Variants in ODC1 observed in about 807,000 individuals in gnomAD.
ODC1 encodes ornithine decarboxylase 1.
ODC1 carries 18 observed loss-of-function variants against 41.5 expected under a neutral mutation model. The observed-to-expected ratio is 0.43, with a 90% CI of 0.30 to 0.64. The LOEUF (loss-of-function observed/expected upper bound fraction) is 0.64. Among genes scored for constraint, ODC1 ranks in the 30% least tolerant of loss-of-function variants. ODC1 has a pLI of 0.11. For synonymous variants in ODC1, 218 were observed against 211.6 expected (o/e 1.03, Z -0.26); for missense variants, 504 against 589.0 (o/e 0.86, Z 1.49).
Position 10,443,586 on chromosome 2 carries a change from A to G in ODC1, c.585-15T>C. ...CTACATGGAAGCTGGGGTAAAATAAAGAGACGAGACACTGTGTCTTAGTAT... is the reference window on the plus strand; with the variant it reads ...CTACATGGAAGCTGGGGTAAAATAAGGAGACGAGACACTGTGTCTTAGTAT... On this transcript the variant is annotated splice_polypyrimidine_tract_variant and intron_variant, in intron 6 of 11. Coordinates refer to ENST00000234111, the MANE Select transcript of ODC1 (RefSeq NM_002539.3). 6.2e-7 allele frequency: 1 copy of G among 1,603,166 alleles called. No individual in the cohort carries two copies. Among genetic ancestry groups the G allele is most frequent in the Non-Finnish European group, 8.5e-7 (1 of 1,178,480 alleles).
Position 10,442,722 on chromosome 2 carries a change from T to C in ODC1, c.750+508A>G, listed in dbSNP as rs544931375. 9.9e-5 allele frequency among the ~76,000 whole-genome samples: 15 copies of C among 152,258 alleles called. No homozygotes were observed. The East Asian group carries it at 2.7e-3, about 27-fold the overall frequency. The stretch of plus-strand genomic sequence containing the variant: ...CCCACAGCAACATGCTTTTTCTTTT[T>C]TTTTTTTGAGACAGGGTCTCACTCT... On this transcript the variant is annotated intron_variant, in intron 8 of 11. Transcript: ENST00000234111.
chr2:10,446,700 G>A (rs1672025194), intron 1 of ODC1: 2 of 429,612 alleles, frequency 4.7e-6, no homozygotes, highest in Admixed American at 3.0e-5. Context: ...GCCAGGTAGA[G>A]CTTTCTTCTT....
intron 1 of ODC1, among the ~76,000 whole-genome samples, chr2:10,445,738 C>A (rs536995229): frequency 1.3e-5 from 2 of 152,108 alleles, no homozygotes; most frequent in Non-Finnish European, 2.9e-5. Context: ...CGGGTTCAAG[C>A]GATTCTCCTG....
chr2:10,444,716 C>G (rs953678951), intron 3 of ODC1, 69 bp from the exon 4 acceptor site: 1 of 1,378,842 alleles, frequency 7.3e-7, no homozygotes, highest in African/African-American at 1.4e-5. Flanking sequence ...AGCCAGCGAC[C>G]TTCATTCCCA....
rs144846017 is a variant in ODC1, at chr2:10,440,742, C to T, written c.1368G>A (p.Ser456=). The change falls in exon 12 of 12, where the codon TCG becomes TCA. Residue 456 remains serine (S), a synonymous_variant. Coordinates refer to ENST00000234111, the MANE Select transcript of ODC1 (RefSeq NM_002539.3). ...GTGCTATCTACACATTAATACTAGCCGAAGCACAGGCTGCTCTGTGGCGTT... is the reference window on the plus strand; with the variant it reads ...GTGCTATCTACACATTAATACTAGCTGAAGCACAGGCTGCTCTGTGGCGTT... ...GMKRHRAACA[S]ASINV 115 of 1,614,084 alleles carry T rather than the reference C, an allele frequency of 7.1e-5. No homozygotes were observed. The highest frequency in any genetic ancestry group is 3.3e-4 in the Middle Eastern group (2 of 6,058).
Position 10,446,489 on chromosome 2 carries a change from G to A in ODC1, c.-127-1225C>T, listed in dbSNP as rs148879789. Among the ~76,000 whole-genome samples the A allele has an allele frequency of 7.2e-5, 11 of 152,244 alleles. No homozygotes were observed. In the East Asian group the frequency reaches 2.1e-3, roughly 29 times the overall value. On this transcript the variant is annotated intron_variant, in intron 1 of 11. Transcript: ENST00000234111. Reference sequence around the variant, plus strand: ...GTTGCCTACCAAGTTTAGCAATTCCGGGAATGCCAACTGTCCTTACAGTCA... The same window carrying A: ...GTTGCCTACCAAGTTTAGCAATTCCAGGAATGCCAACTGTCCTTACAGTCA...
In ODC1 at chr2:10,440,451, T is replaced by C. The variant is rs1304085513; in HGVS notation, c.*273A>G. On this transcript the variant is annotated 3_prime_UTR_variant, in exon 12 of 12. Coordinates refer to ENST00000234111, the MANE Select transcript of ODC1 (RefSeq NM_002539.3). Reference sequence around the variant, plus strand: ...ACTAAGCTTTTGGCCCATTCTGCCATTGTACAAGCTACAAATGCTTGTTCA... The same window carrying C: ...ACTAAGCTTTTGGCCCATTCTGCCACTGTACAAGCTACAAATGCTTGTTCA... The C allele has an allele frequency of 2.6e-5, 8 of 309,656 alleles. No individual in the cohort carries two copies. Among genetic ancestry groups the C allele is most frequent in the Non-Finnish European group, 3.6e-5 (6 of 167,618 alleles). The allele number at this position is 309,656 out of a possible 1,614,324, so 19.2% of individuals were successfully genotyped here. A position where few individuals can be genotyped will look rare whatever the true frequency, so the allele number is the denominator to read the frequency against.
Position 10,443,551 on chromosome 2 carries a change from C to A in ODC1, c.605G>T (p.Cys202Phe). The change falls in exon 7 of 12, where the codon TGT (cysteine) becomes TTT (phenylalanine). Residue 202 changes from cysteine to phenylalanine, a missense_variant. Physicochemically the swap from Cys to Phe is radical, Grantham distance 205 (BLOSUM62 -2). Coordinates refer to ENST00000234111, the MANE Select transcript of ODC1 (RefSeq NM_002539.3). ...CTGCACGAAGGTCTCAGGATCGGTA[C>A]AGCCGCTTCCTACATGGAAGCTGGG... ...VGVSFHVGSG[C>F]TDPETFVQAI... 6.2e-7 allele frequency: 1 copy of A among 1,613,808 alleles called. No individual in the cohort carries two copies.
At position 10,445,035 on chromosome 2, in the gene ODC1, T is replaced by C. The variant is rs1266710233; in HGVS notation, c.-3A>G. On this transcript the variant is annotated 5_prime_UTR_variant, in exon 3 of 12. Transcript: ENST00000234111. ...TCTTCATTACCAAAGTTGTTCATGA[T>C]TTCTTGATGTTCCTCTGAAATGCAA... 1 of 1,590,250 alleles carries C rather than the reference T, an allele frequency of 6.3e-7. No individual in the cohort carries two copies. Among genetic ancestry groups the C allele is most frequent in the East Asian group, 2.2e-5 (1 of 44,782 alleles).
In ODC1 at chr2:10,440,053, A is replaced by C. The variant is rs1671769812; in HGVS notation, c.*671T>G. 1 of 152,316 alleles carries C rather than the reference A, an allele frequency of 6.6e-6. No homozygotes were observed. Among genetic ancestry groups the C allele is most frequent in the Admixed American group, 6.5e-5 (1 of 15,282 alleles). The allele number at this position is 152,316 out of a possible 1,614,324, so 9.4% of individuals were successfully genotyped here. A position where few individuals can be genotyped will look rare whatever the true frequency, so the allele number is the denominator to read the frequency against. ...ACATTCCTAACTTCTCACAGGCATG[A>C]AGGTGGGAGGGGACACGGATGGTCT... On this transcript the variant is annotated 3_prime_UTR_variant, in exon 12 of 12. Coordinates refer to ENST00000234111, the MANE Select transcript of ODC1 (RefSeq NM_002539.3).
rs746762081 is a variant in ODC1 at position 10,444,935 on chromosome 2, G to A, written c.98C>T (p.Ser33Phe). Residue 33 changes from serine (S) to phenylalanine (F), a missense_variant, in exon 3 of 12, where the codon TCT (serine) becomes TTT (phenylalanine). Physicochemically the swap from Ser to Phe is radical, Grantham distance 155. This residue lies in a region of ODC1 where 53 missense variants were observed against 46.3 expected (regional missense o/e 1.14). Coordinates refer to ENST00000234111, the MANE Select transcript of ODC1 (RefSeq NM_002539.3). ...ILDQKINEVS[S>F]SDDKDAFYVA... ...GCATGGGCCTCATATACTTACAGAAGAAGAAACTTCATTAATTTTCTGGTC... is the reference window on the plus strand; with the variant it reads ...GCATGGGCCTCATATACTTACAGAAAAAGAAACTTCATTAATTTTCTGGTC... 22 of 1,607,350 alleles carry A rather than the reference G, an allele frequency of 1.4e-5. No homozygotes were observed. The highest frequency in any genetic ancestry group is 1.9e-5 in the Non-Finnish European group (22 of 1,174,172).
At chr2:10,443,592 G>A (rs376328527) in intron 6 of ODC1, 21 bp from the exon 7 acceptor site, 24 of 1,610,166 alleles carry the variant, frequency 1.5e-5, no homozygotes, top group South Asian at 9.9e-5. Flanking sequence ...ATAAAGAGAC[G>A]AGACACTGTG....
intron 1 of ODC1, chr2:10,447,701 G>C (rs1672073116): frequency 6.6e-6 from 1 of 152,286 alleles, no homozygotes. Flanking sequence ...GAAACTGAAG[G>C]CGCCAAGGCC....
intron 5 of ODC1, 128 bp from the exon 6 acceptor site, chr2:10,443,964 T>C (rs750408944): frequency 1.2e-5 from 18 of 1,457,372 alleles, no homozygotes; most frequent in Admixed American, 2.0e-5. Flanking sequence ...CCAGGCTTCA[T>C]GACTCAATGG....
intron 10 of ODC1, 47 bp from the exon 11 acceptor site, chr2:10,441,770 T>C (rs368447466): frequency 3.0e-5 from 49 of 1,611,762 alleles, no homozygotes; most frequent in Admixed American, 1.5e-4. Context: ...TTACACGTGT[T>C]GTGACCAGTC....
intron 1 of ODC1, among the ~76,000 whole-genome samples, chr2:10,445,740 A>G (rs2148071553): frequency 6.6e-6 from 1 of 152,148 alleles, no homozygotes; most frequent in South Asian, 2.1e-4. Context: ...GGTTCAAGCG[A>G]TTCTCCTGCC....
intron 11 of ODC1, 92 bp from the exon 12 acceptor site, chr2:10,440,960 A>T: frequency 2.6e-6 from 3 of 1,143,666 alleles, no homozygotes; most frequent in Admixed American, 2.7e-5. Context: ...AATTCAATGT[A>T]TTTTTTTTTT....
In ODC1 at chr2:10,440,812, T is replaced by A; in HGVS notation, c.1298A>T (p.Asp433Val). The change falls in exon 12 of 12, where the codon GAT (aspartate) becomes GTT (valine). Residue 433 changes from aspartate (D) to valine (V), a missense_variant. Around this residue, in one of 3 missense-constraint regions of ODC1, gnomAD observed 447 missense variants for 524.4 expected, o/e 0.85. Coordinates refer to ENST00000234111, the MANE Select transcript of ODC1 (RefSeq NM_002539.3). ...PDFPPEVEEQ[D>V]ASTLPVSCAW... ...ACAAGACACAGGCAGGGTGCTGGCA[T>A]CCTGTTCCTCTACTTCGGGTGGGAA... 1 of 1,614,154 alleles carries A rather than the reference T, an allele frequency of 6.2e-7. No individual in the cohort carries two copies. The highest frequency in any genetic ancestry group is 8.5e-7 in the Non-Finnish European group (1 of 1,180,004).
intron 8 of ODC1, 116 bp from the exon 9 acceptor site, chr2:10,442,290 G>A: frequency 9.3e-7 from 1 of 1,076,490 alleles, no homozygotes. Context: ...CAACAGACAG[G>A]TTTATCATTA....
Sources: allele counts gnomAD v4.1 joint callset (sites outside exome capture counted in the v4.1 genomes callset), GRCh38; gene constraint gnomAD v4.1.1; regional missense constraint gnomAD v4.1.1; transcripts MANE v1.5; gene names NCBI Gene and HGNC (gene_info 2026-07-23, HGNC 2026-07-21).